Variants in LY6S observed in about 807,000 individuals in gnomAD.
The protein encoded by LY6S is lymphocyte antigen 6 family member S.
At chr8:143,048,676 G>A in the LY6S span, among the ~76,000 whole-genome samples, 1 of 151,968 alleles carries the variant, frequency 6.6e-6, no homozygotes, top group Non-Finnish European at 1.5e-5. Flanking sequence ...CACCATGTTG[G>A]CCAGGCTGGT....
At chr8:143,055,637 A>G in the LY6S span, among the ~76,000 whole-genome samples, 23 of 152,300 alleles carry the variant, frequency 1.5e-4, no homozygotes, top group East Asian at 3.7e-3. Context: ...AAGTACCTGG[A>G]AAAAAACGGA....
At chr8:143,062,579 C>T in the LY6S span, among the ~76,000 whole-genome samples, 1 of 152,146 alleles carries the variant, frequency 6.6e-6, no homozygotes, top group Non-Finnish European at 1.5e-5. Context: ...GAAGCTAAGG[C>T]AGGAAAATCA....
chr8:143,065,560 A>ATT, the LY6S span, among the ~76,000 whole-genome samples: 1 of 145,930 alleles, frequency 6.9e-6, no homozygotes, highest in South Asian at 2.2e-4. Flanking sequence ...GCAATAGAAT[A>ATT]TTTTTTTTTT....
At chr8:143,055,798 C>A in the LY6S span, among the ~76,000 whole-genome samples, 3 of 152,146 alleles carry the variant, frequency 2.0e-5, no homozygotes, top group African/African-American at 7.2e-5. Flanking sequence ...CAGCAGCCAC[C>A]CTTGCTGCCC....
chr8:143,046,276 A>C, the LY6S span, among the ~76,000 whole-genome samples: 16 of 152,128 alleles, frequency 1.1e-4, no homozygotes, highest in Admixed American at 7.9e-4. Context: ...CACTTTTGCA[A>C]GATTATAACA....
the LY6S span, among the ~76,000 whole-genome samples, chr8:143,063,254 G>T: frequency 1.3e-5 from 2 of 152,176 alleles, no homozygotes; most frequent in Non-Finnish European, 2.9e-5. Context: ...ACTTCTGGGG[G>T]TCACTCTTAC....
chr8:143,052,950 T>C, the LY6S span, among the ~76,000 whole-genome samples: 78,324 of 152,124 alleles, frequency 0.51, 22,850 homozygotes, highest in Non-Finnish European at 0.64. Flanking sequence ...TATTGTAAAA[T>C]ATATTCAAAA....
At chr8:143,044,945 C>A in the LY6S span, 1 of 804,618 alleles carries the variant, frequency 1.2e-6, no homozygotes, top group Non-Finnish European at 1.7e-6. Flanking sequence ...AATAGCCCCA[C>A]ACACCTGCCT....
the LY6S span, among the ~76,000 whole-genome samples, chr8:143,048,470 C>CTTT: frequency 4.0e-5 from 5 of 124,520 alleles, no homozygotes; most frequent in African/African-American, 9.2e-5. Flanking sequence ...ACAAAATTTT[C>CTTT]TTTTTTTTTT....
chr8:143,040,994 A>G, the LY6S span, among the ~76,000 whole-genome samples: 2 of 152,184 alleles, frequency 1.3e-5, no homozygotes. Flanking sequence ...CATGCTTCAC[A>G]AGGTAATAAG....
At chr8:143,043,919 C>T in the LY6S span, among the ~76,000 whole-genome samples, 5 of 152,252 alleles carry the variant, frequency 3.3e-5, no homozygotes, top group Non-Finnish European at 7.3e-5. Flanking sequence ...AGGTGATCCC[C>T]CCGCCTTGGC....
chr8:143,052,051 G>A, the LY6S span, among the ~76,000 whole-genome samples: 4 of 151,908 alleles, frequency 2.6e-5, no homozygotes, highest in Non-Finnish European at 5.9e-5. Context: ...GGAAGCTGAG[G>A]CGGGCAGATC....
the LY6S span, among the ~76,000 whole-genome samples, chr8:143,070,097 T>C: frequency 6.6e-6 from 1 of 151,862 alleles, no homozygotes; most frequent in African/African-American, 2.4e-5. Context: ...GGGGCACCTC[T>C]CCTTGGCATG....
At chr8:143,059,370 T>C in the LY6S span, among the ~76,000 whole-genome samples, 1 of 152,148 alleles carries the variant, frequency 6.6e-6, no homozygotes, top group African/African-American at 2.4e-5. Flanking sequence ...TTGGGTAGGC[T>C]GTGAGGTTTG....
At chr8:143,043,243 G>A in the LY6S span, 1 of 1,366,084 alleles carries the variant, frequency 7.3e-7, no homozygotes, top group Non-Finnish European at 9.8e-7. Context: ...CAAGAGATCT[G>A]GGAGTCCACA....
At chr8:143,052,213 A>G in the LY6S span, among the ~76,000 whole-genome samples, 60 of 152,024 alleles carry the variant, frequency 3.9e-4, no homozygotes, top group Middle Eastern at 3.4e-3. Flanking sequence ...CCCGGGAGGC[A>G]GAGCTTGCAG....
At chr8:143,041,412 G>C in the LY6S span, among the ~76,000 whole-genome samples, 2 of 152,206 alleles carry the variant, frequency 1.3e-5, no homozygotes, top group Non-Finnish European at 2.9e-5. Flanking sequence ...GGCAACCAGA[G>C]TTTAAGGTGA....
chr8:143,069,632 A>T, the LY6S span, among the ~76,000 whole-genome samples: 3 of 152,244 alleles, frequency 2.0e-5, no homozygotes, highest in Non-Finnish European at 4.4e-5. Context: ...CGCTGTGCTC[A>T]GCACGATTCC....
At chr8:143,058,938 C>T in the LY6S span, among the ~76,000 whole-genome samples, 1 of 152,234 alleles carries the variant, frequency 6.6e-6, no homozygotes, top group Non-Finnish European at 1.5e-5. Context: ...CTGGTTTTTC[C>T]TAGGCTATGA....
Sources: gnomAD v4.1 joint callset for allele counts (sites outside exome capture counted in the v4.1 genomes callset) on GRCh38, gnomAD v4.1.1 for gene constraint, MANE v1.5 for transcripts, NCBI Gene and HGNC (gene_info 2026-07-23, HGNC 2026-07-21) for gene names.